LRBA: variants seen among roughly 807,000 people sequenced by gnomAD.
LRBA encodes the protein lipopolysaccharide-responsive and beige-like anchor protein.
A neutral mutation model predicts 330.0 loss-of-function variants in LRBA; 176 were observed. The ratio of observed to expected loss-of-function variants is 0.53; its 90% CI spans 0.47 to 0.60. The LOEUF is 0.60. Ranked by LOEUF, LRBA falls within the 20% of genes least tolerant of loss-of-function variation. LRBA has a pLI of 0.00. For missense variants in LRBA, 3,259 were observed against 3,444.8 expected, an observed-to-expected ratio of 0.95 and a Z score of 1.35; for synonymous variants, 1,230 against 1,193.0, an observed-to-expected ratio of 1.03 and a Z score of -0.64.
intron 47 of LRBA, among the ~76,000 whole-genome samples, chr4:150,391,805 TC>T (rs1268305600): frequency 6.6e-6 from 1 of 152,070 alleles, no homozygotes; most frequent in Non-Finnish European, 1.5e-5. Context: ...TAAATATTTT[TC>T]TTCCTCTTGA....
At chr4:150,929,104 T>A in intron 2 of LRBA, 39 bp from the exon 3 acceptor site, 1 of 1,222,798 alleles carries the variant, frequency 8.2e-7, no homozygotes, top group Non-Finnish European at 1.2e-6. Context: ...AAAGCATTAG[T>A]ATCCTCAATA....
At chr4:150,728,185 A>T (rs931741470) in intron 36 of LRBA, among the ~76,000 whole-genome samples, 4 of 152,180 alleles carry the variant, frequency 2.6e-5, no homozygotes, top group Admixed American at 2.6e-4. Flanking sequence ...TAACAGACCA[A>T]TAACAAGTGA....
At chr4:150,506,696 T>C (rs1031233455) in intron 40 of LRBA, among the ~76,000 whole-genome samples, 19 of 152,142 alleles carry the variant, frequency 1.2e-4, no homozygotes, top group South Asian at 4.1e-4. Flanking sequence ...CTCACCACTC[T>C]TATTCAACAT....
chr4:150,906,139 G>T, intron 12 of LRBA, 149 bp from the exon 13 acceptor site: 1 of 816,296 alleles, frequency 1.2e-6, no homozygotes, highest in Non-Finnish European at 2.0e-6. Context: ...TTTGATAGAG[G>T]AATGGAGGCA....
intron 2 of LRBA, among the ~76,000 whole-genome samples, chr4:151,001,458 G>A (rs904426175): frequency 5.3e-5 from 8 of 152,068 alleles, no homozygotes; most frequent in East Asian, 3.9e-4. Flanking sequence ...ATGCCAAAGC[G>A]TGCAGACTAG....
chr4:150,645,922 T>TAGAAAACCCATTAC (rs1159454586), intron 37 of LRBA, among the ~76,000 whole-genome samples: 1 of 122,870 alleles, frequency 8.1e-6, no homozygotes, highest in Non-Finnish European at 1.6e-5. Flanking sequence ...TTCTTCTCAT[T>TAGAAAACCCATTAC]AGAAAACCCA....
rs376694127 is a variant in LRBA, at chr4:150,990,978, C to T, written c.216+23449G>A. On this transcript the variant is annotated intron_variant, in intron 2 of 56. Transcript: ENST00000651943. ...GCTGAACCAGGGAGGCGCTGAACCT[C>T]GGACAGGGAGGTTGCACTGAGCTGA... 2.7e-5 allele frequency among the ~76,000 whole-genome samples: 4 copies of T among 150,098 alleles called. No homozygotes were observed. In the East Asian group the frequency reaches 5.9e-4, roughly 22 times the overall value.
At chr4:150,674,449 T>C (rs72959838) in intron 37 of LRBA, among the ~76,000 whole-genome samples, 5,389 of 152,098 alleles carry the variant, frequency 0.035, 257 homozygotes, top group African/African-American at 0.12. Context: ...TGAACCTTCA[T>C]TTATTCCACT....
intron 46 of LRBA, among the ~76,000 whole-genome samples, chr4:150,424,274 T>C (rs145530601): frequency 1.3e-5 from 2 of 152,254 alleles, no homozygotes; most frequent in African/African-American, 4.8e-5. Flanking sequence ...GTCTTGAAAA[T>C]TGCAACTTTA....
At chr4:150,537,455 C>G (rs1019021257) in intron 40 of LRBA, among the ~76,000 whole-genome samples, 1 of 152,108 alleles carries the variant, frequency 6.6e-6, no homozygotes, top group African/African-American at 2.4e-5. Context: ...GCAATTGCAA[C>G]AGCAATGTCA....
At chr4:150,803,841 T>C (rs1742141036) in intron 33 of LRBA, among the ~76,000 whole-genome samples, 1 of 152,158 alleles carries the variant, frequency 6.6e-6, no homozygotes, top group Non-Finnish European at 1.5e-5. Context: ...TACCAAAATT[T>C]ATTGGTAAAA....
chr4:150,668,583 T>C (rs1249852916), intron 37 of LRBA, among the ~76,000 whole-genome samples: 2 of 152,234 alleles, frequency 1.3e-5, no homozygotes, highest in African/African-American at 2.4e-5. Flanking sequence ...ATAGTTACCA[T>C]CTTTAAAGCT....
chr4:150,372,623 G>A (rs1378771939), intron 47 of LRBA, among the ~76,000 whole-genome samples: 1 of 149,240 alleles, frequency 6.7e-6, no homozygotes, highest in Admixed American at 6.7e-5. Context: ...GTCATAGCCT[G>A]GGTAAAATGG....
At chr4:150,690,220 T>C (rs1783994030) in intron 36 of LRBA, among the ~76,000 whole-genome samples, 1 of 151,904 alleles carries the variant, frequency 6.6e-6, no homozygotes, top group Non-Finnish European at 1.5e-5. Context: ...AAACAGAAGG[T>C]AGGCCGGGCG....
chr4:150,615,331 A>C (rs1034146786), intron 37 of LRBA, among the ~76,000 whole-genome samples: 1 of 152,220 alleles, frequency 6.6e-6, no homozygotes, highest in Non-Finnish European at 1.5e-5. Flanking sequence ...ATGAGACCTG[A>C]CATGTTTTAA....
At chr4:151,002,683 G>C (rs1743508718) in intron 2 of LRBA, among the ~76,000 whole-genome samples, 1 of 151,290 alleles carries the variant, frequency 6.6e-6, no homozygotes, top group South Asian at 2.1e-4. Flanking sequence ...GTTTACCAAA[G>C]AGATAGATGA....
intron 30 of LRBA, among the ~76,000 whole-genome samples, chr4:150,825,606 T>C (rs546493318): frequency 6.6e-6 from 1 of 152,272 alleles, no homozygotes; most frequent in South Asian, 2.1e-4. Context: ...TGATCTCAAA[T>C]GATCCACCCG....
chr4:150,908,679 G>A lies in LRBA; in HGVS notation c.1340C>T (p.Pro447Leu), dbSNP rs763219139. The part of the protein sequence containing the change: ...KDNPSIFVHS[P>L]HALMLQDVKA... ...TAGTACCTGGAGCATGAGTGCATGT[G>A]GTGAATGAACAAAAATTGAAGGGTT... The change falls in exon 10 of 57, where the codon CCA becomes CTA. Residue 447 changes from proline to leucine, a missense_variant. Physicochemically the swap from Pro to Leu is moderately conservative, Grantham distance 98 (BLOSUM62 -3). Coordinates refer to ENST00000651943, the MANE Select transcript of LRBA (RefSeq NM_001364905.1). 6.2e-7 allele frequency: 1 copy of A among 1,613,416 alleles called. No homozygotes were observed. Among genetic ancestry groups the A allele is most frequent in the Non-Finnish European group, 8.5e-7 (1 of 1,179,596 alleles).
At chr4:150,903,265 G>A (rs902516050) in intron 13 of LRBA, among the ~76,000 whole-genome samples, 2 of 152,212 alleles carry the variant, frequency 1.3e-5, no homozygotes, top group Non-Finnish European at 1.5e-5. Context: ...CACACCTGCA[G>A]TATCAGCTAC....
Sources: gnomAD v4.1 joint callset for allele counts (sites outside exome capture counted in the v4.1 genomes callset) on GRCh38, gnomAD v4.1.1 for gene constraint, MANE v1.5 for transcripts, NCBI Gene and HGNC (gene_info 2026-07-23, HGNC 2026-07-21) for gene names.